The following STMN2 variants were observed in gnomAD, a reference collection of about 807,000 sequenced individuals.
STMN2 encodes the protein stathmin-2.
STMN2 carries 2 observed loss-of-function variants against 24.1 expected under a neutral mutation model. The observed-to-expected ratio is 0.08, with a 90% CI of 0.03 to 0.26. STMN2 has a LOEUF of 0.26. STMN2 is among the 10% of genes least tolerant of loss of function. STMN2 has a pLI of 1.00. For synonymous variants in STMN2, 83 were observed against 77.5 expected (o/e 1.07, Z -0.37); for missense variants, 114 against 213.6 (o/e 0.53, Z 2.91).
chr8:79,616,766 G>A (rs1391747144), intron 1 of STMN2, among the ~76,000 whole-genome samples: 1 of 152,126 alleles, frequency 6.6e-6, no homozygotes, highest in African/African-American at 2.4e-5. Context: ...GGAATTATGT[G>A]TTCTGCCCCA....
At chr8:79,657,089 G>T (rs891374267) in intron 4 of STMN2, among the ~76,000 whole-genome samples, 5 of 152,130 alleles carry the variant, frequency 3.3e-5, no homozygotes, top group African/African-American at 7.2e-5. Flanking sequence ...GGCCAAGCTG[G>T]TCTCAAACTC....
At chr8:79,637,452 C>G (rs1049067625) in intron 2 of STMN2, among the ~76,000 whole-genome samples, 2 of 152,174 alleles carry the variant, frequency 1.3e-5, no homozygotes, top group African/African-American at 4.8e-5. Context: ...TGGCAATTAA[C>G]ATGATTGAGG....
chr8:79,643,635 G>A (rs1348896108), intron 3 of STMN2, among the ~76,000 whole-genome samples: 1 of 152,014 alleles, frequency 6.6e-6, no homozygotes, highest in African/African-American at 2.4e-5. Context: ...AAAAAGAACT[G>A]GGATCAACAA....
intron 1 of STMN2, among the ~76,000 whole-genome samples, chr8:79,622,079 C>G (rs1382642110): frequency 6.6e-6 from 1 of 152,144 alleles, no homozygotes; most frequent in Non-Finnish European, 1.5e-5. Context: ...AGTAACTGTT[C>G]CTGTTACAGG....
At chr8:79,644,380 T>C (rs970370105) in intron 3 of STMN2, among the ~76,000 whole-genome samples, 1 of 152,200 alleles carries the variant, frequency 6.6e-6, no homozygotes, top group African/African-American at 2.4e-5. Flanking sequence ...ATTATTTTTC[T>C]CACAACTTAG....
rs183811484 is a variant in STMN2 at position 79,666,006 on chromosome 8, C to T, written c.*1132C>T. 21 of 152,298 alleles carry T rather than the reference C, an allele frequency of 1.4e-4. 1 individual carries two copies. Among genetic ancestry groups the T allele is most frequent in the Admixed American group, 1.4e-3 (21 of 15,296 alleles). The allele number at this position is 152,298 out of a possible 1,614,324, so 9.4% of individuals were successfully genotyped here. ...CAACTAAGAATCACCAGATACCCAC[C>T]ATAAGTACCTATCGCAGTTTTGAAG... On this transcript the variant is annotated 3_prime_UTR_variant, in exon 5 of 5. Coordinates refer to ENST00000220876, the MANE Select transcript of STMN2 (RefSeq NM_007029.4).
Position 79,654,731 on chromosome 8 carries a change from G to T in STMN2, c.289-140G>T, listed in dbSNP as rs999036076. On this transcript the variant is annotated intron_variant, in intron 3 of 4. Transcript: ENST00000220876. ...TCTATAGAAAACTCTAAGCCATGCA[G>T]ATGAGTACAGACTTGACAATAGTGC... 15 of 924,370 alleles carry T rather than the reference G, an allele frequency of 1.6e-5. No homozygotes were observed. In the African/African-American group the frequency reaches 1.7e-4, roughly 10 times the overall value. The allele number at this position is 924,370 out of a possible 1,614,324, so 57.3% of individuals were successfully genotyped here.
intron 1 of STMN2, among the ~76,000 whole-genome samples, chr8:79,636,538 C>T (rs1809961988): frequency 6.6e-6 from 1 of 152,124 alleles, no homozygotes; most frequent in Admixed American, 6.6e-5. Context: ...TTCCTTCGAC[C>T]TTCCTTTGTT....
In STMN2 at chr8:79,665,160, G is replaced by C. The variant is rs1806576112; in HGVS notation, c.*286G>C. ...TGCAAGTTATTTCATAATCTTACATGTCCTGTAACAGGCTTTTGATGTTGT... is the reference window on the plus strand; with the variant it reads ...TGCAAGTTATTTCATAATCTTACATCTCCTGTAACAGGCTTTTGATGTTGT... On this transcript the variant is annotated 3_prime_UTR_variant, in exon 5 of 5. Coordinates refer to ENST00000220876, the MANE Select transcript of STMN2 (RefSeq NM_007029.4). 2 of 216,332 alleles carry C rather than the reference G, an allele frequency of 9.2e-6. No homozygotes were observed. The highest frequency in any genetic ancestry group is 4.7e-5 in the African/African-American group (2 of 42,660). 13.4% of individuals were successfully genotyped at this position (216,332 alleles called of 1,614,324 possible).
At chr8:79,647,402 A>C (rs1347958659) in intron 3 of STMN2, among the ~76,000 whole-genome samples, 1 of 151,912 alleles carries the variant, frequency 6.6e-6, no homozygotes, top group Non-Finnish European at 1.5e-5. Context: ...CCCTCCCCCT[A>C]CCCTTAATAC....
chr8:79,625,224 C>G (rs909160611), intron 1 of STMN2, among the ~76,000 whole-genome samples: 14 of 152,136 alleles, frequency 9.2e-5, no homozygotes, highest in African/African-American at 3.4e-4. Context: ...GCACTATAGA[C>G]TTTTCTCTTA....
chr8:79,620,194 A>C (rs917062661), intron 1 of STMN2, among the ~76,000 whole-genome samples: 1 of 148,306 alleles, frequency 6.7e-6, no homozygotes, highest in Non-Finnish European at 1.5e-5. Flanking sequence ...TATAATATAT[A>C]TATTACATAT....
intron 2 of STMN2, among the ~76,000 whole-genome samples, chr8:79,640,957 C>A (rs1000439503): frequency 6.6e-6 from 1 of 152,092 alleles, no homozygotes; most frequent in African/African-American, 2.4e-5. Context: ...TGAAGAACTC[C>A]GTTATGTTTC....
intron 4 of STMN2, chr8:79,663,574 T>C (rs1458185810): frequency 2.0e-6 from 3 of 1,515,888 alleles, no homozygotes; most frequent in Non-Finnish European, 1.8e-6. Flanking sequence ...AAGTTTTACT[T>C]TATAGCTGGT....
chr8:79,631,418 A>AG (rs1809800093), intron 1 of STMN2: 1 of 985,048 alleles, frequency 1.0e-6, no homozygotes, highest in East Asian at 1.1e-4. Flanking sequence ...AGAAAACCAA[A>AG]TTTTTGTAGA....
rs759372179 is a variant in STMN2, at chr8:79,654,945, G to A, written c.363G>A (p.Leu121=). The A allele has an allele frequency of 5.0e-6, 8 of 1,613,980 alleles. No individual in the cohort carries two copies. In the South Asian group the frequency reaches 7.7e-5, roughly 16 times the overall value. ...EHEREVLQKA[L]EENNNFSKMA... ...AGCGAGAAGTCCTTCAGAAGGCTTT[G>A]GAGGAGAACAACAACTTCAGCAAGA... The change falls in exon 4 of 5, where the codon TTG becomes TTA. Residue 121 remains leucine (L), a synonymous_variant. Coordinates refer to ENST00000220876, the MANE Select transcript of STMN2 (RefSeq NM_007029.4).
intron 1 of STMN2, among the ~76,000 whole-genome samples, chr8:79,624,944 T>C (rs1004221020): frequency 1.3e-5 from 2 of 152,216 alleles, no homozygotes; most frequent in African/African-American, 2.4e-5. Flanking sequence ...CCTGCTCTGC[T>C]TGAGCCAGCT....
At chr8:79,646,449 A>G (rs1461744529) in intron 3 of STMN2, among the ~76,000 whole-genome samples, 1 of 151,734 alleles carries the variant, frequency 6.6e-6, no homozygotes, top group African/African-American at 2.4e-5. Flanking sequence ...TAATTATTGG[A>G]TAGTCAAAAA....
At chr8:79,625,347 G>C (rs1809627331) in intron 1 of STMN2, among the ~76,000 whole-genome samples, 1 of 152,104 alleles carries the variant, frequency 6.6e-6, no homozygotes, top group Non-Finnish European at 1.5e-5. Flanking sequence ...ACTGAGTCAA[G>C]TACTGTGATT....
Sources: gnomAD v4.1 joint callset for allele counts (sites outside exome capture counted in the v4.1 genomes callset) on GRCh38, gnomAD v4.1.1 for gene constraint, MANE v1.5 for transcripts, NCBI Gene and HGNC (gene_info 2026-07-23, HGNC 2026-07-21) for gene names.